The following EBF2 variants were observed in gnomAD, a reference collection of about 807,000 sequenced individuals.
EBF2 encodes EBF transcription factor 2.
Under a neutral mutation model 72.8 loss-of-function variants are expected in EBF2, and 21 were observed. The ratio of observed to expected loss-of-function variants is 0.29; its 90% CI spans 0.20 to 0.42. The LOEUF is 0.42. Ranked by LOEUF, EBF2 falls within the 10% of genes least tolerant of loss-of-function variation. The pLI, the probability that EBF2 is intolerant of heterozygous loss-of-function variation, is 1.00. For missense variants in EBF2, 637 were observed against 731.2 expected (o/e 0.87, Z 1.49); for synonymous variants, 299 against 274.2 (o/e 1.09, Z -0.89).
intron 6 of EBF2, among the ~76,000 whole-genome samples, chr8:25,931,055 T>C (rs145578091): frequency 1.3e-3 from 194 of 152,318 alleles, no homozygotes; most frequent in Middle Eastern, 3.4e-3. Flanking sequence ...ATTCTCCCCA[T>C]TGTCAGACGA....
intron 7 of EBF2, among the ~76,000 whole-genome samples, chr8:25,899,857 C>G (rs1235064562): frequency 1.1e-5 from 1 of 87,128 alleles, no homozygotes; most frequent in Non-Finnish European, 3.3e-5. Flanking sequence ...ATGATCCAAC[C>G]ACCCTGTGGA....
At chr8:26,017,154 T>TTA (rs1554482123) in intron 6 of EBF2, among the ~76,000 whole-genome samples, 2 of 139,432 alleles carry the variant, frequency 1.4e-5, no homozygotes, top group African/African-American at 2.6e-5. Flanking sequence ...TCCCCTTATT[T>TTA]AAAAAAAAAA....
chr8:25,937,528 A>G (rs925034021), intron 6 of EBF2, among the ~76,000 whole-genome samples: 2 of 152,212 alleles, frequency 1.3e-5, no homozygotes, highest in Non-Finnish European at 2.9e-5. Flanking sequence ...TGTTTCATCA[A>G]TCTGGTATCA....
chr8:25,962,965 C>A (rs573739456), intron 6 of EBF2, among the ~76,000 whole-genome samples: 19 of 152,328 alleles, frequency 1.2e-4, no homozygotes, highest in African/African-American at 2.2e-4. Flanking sequence ...GAATCACAAC[C>A]ACTAACTCCC....
intron 6 of EBF2, among the ~76,000 whole-genome samples, chr8:26,025,270 G>A (rs1014030630): frequency 5.3e-5 from 8 of 152,038 alleles, no homozygotes; most frequent in East Asian, 1.9e-4. Flanking sequence ...TCTTCGGAGA[G>A]CTTTTTGTAT....
rs775317102 is a variant in EBF2, at chr8:25,842,296, CA to C, written c.*2312del. ...TACAATTAAATAGCTCTGTTGCTGC[CA>C]GGGTTCTAGCTGAATGGTCAAGATG... On this transcript the variant is annotated 3_prime_UTR_variant, in exon 16 of 16. Coordinates refer to ENST00000520164, the MANE Select transcript of EBF2 (RefSeq NM_022659.4). The C allele has an allele frequency of 2.0e-5, 3 of 152,096 alleles. No homozygotes were observed. Among genetic ancestry groups the C allele is most frequent in the Non-Finnish European group, 4.4e-5 (3 of 68,024 alleles). The allele number at this position is 152,096 out of a possible 1,614,324, so 9.4% of individuals were successfully genotyped here. A position where few individuals can be genotyped will look rare whatever the true frequency, so the allele number is the denominator to read the frequency against.
intron 10 of EBF2, among the ~76,000 whole-genome samples, chr8:25,883,591 G>C (rs1471388477): frequency 6.6e-6 from 1 of 152,112 alleles, no homozygotes; most frequent in African/African-American, 2.4e-5. Context: ...CCTAGGCACT[G>C]ATAATTTAAA....
chr8:25,960,004 C>A (rs907785462), intron 6 of EBF2, among the ~76,000 whole-genome samples: 1 of 152,224 alleles, frequency 6.6e-6, no homozygotes, highest in African/African-American at 2.4e-5. Flanking sequence ...GCCTATTCAC[C>A]TTTCCTGGGT....
chr8:26,034,822 C>T (rs972791607), intron 5 of EBF2, among the ~76,000 whole-genome samples: 1 of 152,180 alleles, frequency 6.6e-6, no homozygotes, highest in African/African-American at 2.4e-5. Context: ...CACTGCCCTG[C>T]CCATGGTAGT....
At chr8:25,850,008 A>G (rs567588647) in intron 15 of EBF2, among the ~76,000 whole-genome samples, 11 of 152,304 alleles carry the variant, frequency 7.2e-5, no homozygotes, top group Admixed American at 7.2e-4. Flanking sequence ...TGTGGACAGC[A>G]TAGGGCTGGG....
At chr8:25,866,822 G>A (rs965487822) in intron 10 of EBF2, among the ~76,000 whole-genome samples, 8 of 150,838 alleles carry the variant, frequency 5.3e-5, no homozygotes, top group African/African-American at 2.0e-4. Context: ...AGTAGAGATG[G>A]GGTTTCACCA....
intron 6 of EBF2, among the ~76,000 whole-genome samples, chr8:26,005,546 A>ATATATTT (rs1563206080): frequency 1.3e-4 from 3 of 23,284 alleles, no homozygotes; most frequent in South Asian, 1.9e-3. Flanking sequence ...TATATTTTAT[A>ATATATTT]TATATATATA....
intron 6 of EBF2, among the ~76,000 whole-genome samples, chr8:26,017,193 A>G (rs911238960): frequency 5.3e-5 from 8 of 151,316 alleles, no homozygotes; most frequent in African/African-American, 1.7e-4. Context: ...AACATTTTTT[A>G]AAGGATCACA....
At chr8:25,888,130 A>C (rs1563389501) in intron 8 of EBF2, among the ~76,000 whole-genome samples, 158 bp from the exon 9 acceptor site, 1 of 152,262 alleles carries the variant, frequency 6.6e-6, no homozygotes, top group Admixed American at 6.5e-5. Flanking sequence ...CAAACAAAAA[A>C]GGTCCATGTA....
chr8:25,864,026 T>A (rs1802258539), intron 10 of EBF2, among the ~76,000 whole-genome samples: 1 of 152,210 alleles, frequency 6.6e-6, no homozygotes, highest in African/African-American at 2.4e-5. Flanking sequence ...TTAAATGGCT[T>A]CCTAATATCA....
chr8:25,925,997 G>A (rs1803379906), intron 6 of EBF2, among the ~76,000 whole-genome samples: 1 of 152,104 alleles, frequency 6.6e-6, no homozygotes, highest in Non-Finnish European at 1.5e-5. Context: ...TCCTTGATAT[G>A]CCCTCTTTTG....
At chr8:25,992,074 AG>A (rs1429438223) in intron 6 of EBF2, among the ~76,000 whole-genome samples, 3 of 151,858 alleles carry the variant, frequency 2.0e-5, no homozygotes, top group African/African-American at 7.3e-5. Context: ...TCTGTCACTC[AG>A]GCTAGAGTGC....
At chr8:25,956,036 C>T (rs889462878) in intron 6 of EBF2, among the ~76,000 whole-genome samples, 1 of 152,034 alleles carries the variant, frequency 6.6e-6, no homozygotes, top group Non-Finnish European at 1.5e-5. Context: ...TATGAATGTA[C>T]CTTTTGTCCC....
intron 6 of EBF2, among the ~76,000 whole-genome samples, chr8:25,944,698 TTATG>T (rs576022525): frequency 8.9e-4 from 131 of 147,864 alleles, no homozygotes; most frequent in African/African-American, 3.1e-3. Flanking sequence ...ATAAATTATA[TTATG>T]TATAATTATA....
Sources: gnomAD v4.1 joint callset for allele counts (sites outside exome capture counted in the v4.1 genomes callset) on GRCh38, gnomAD v4.1.1 for gene constraint, MANE v1.5 for transcripts, NCBI Gene and HGNC (gene_info 2026-07-23, HGNC 2026-07-21) for gene names.